L1TD1: variants seen among roughly 807,000 people sequenced by gnomAD.
L1TD1 encodes the protein LINE1 type transposase domain containing 1.
In L1TD1, 26 loss-of-function variants were observed where a neutral mutation model predicts 25.7. The observed-to-expected ratio is 1.01, with a 90% CI of 0.74 to 1.40. The LOEUF is 1.40. Ranked by LOEUF, L1TD1 falls within the 40% of genes most tolerant of loss-of-function variation. The pLI is 0.00. For synonymous variants in L1TD1, 421 were observed against 335.6 expected (o/e 1.25, Z -2.78); for missense variants, 1,130 against 975.0 (o/e 1.16, Z -2.12).
rs1316477199 is a variant in L1TD1 at position 62,210,554 on chromosome 1, C to T, written c.1780C>T (p.His594Tyr). ...ACTTAAGAAAACAGAAGAAAAGAAACACAGAACTCTGCACACAGAAGAACT... is the reference window on the plus strand; with the variant it reads ...ACTTAAGAAAACAGAAGAAAAGAAATACAGAACTCTGCACACAGAAGAACT... The part of the protein sequence containing the change: ...TKLKKTEEKK[H>Y]RTLHTEELTS... The change falls in exon 4 of 4, where the codon CAC becomes TAC. Residue 594 changes from histidine (H) to tyrosine (Y), a missense_variant. Physicochemically the swap from His to Tyr is moderately conservative, Grantham distance 83 (BLOSUM62 2). Transcript: ENST00000498273. 1 of 1,612,602 alleles carries T rather than the reference C, an allele frequency of 6.2e-7. No homozygotes were observed. The highest frequency in any genetic ancestry group is 2.2e-5 in the East Asian group (1 of 44,894).
At chr1:62,203,525 A>C (rs527311081) in intron 2 of L1TD1, among the ~76,000 whole-genome samples, 1 of 151,778 alleles carries the variant, frequency 6.6e-6, no homozygotes, top group Non-Finnish European at 1.5e-5. Flanking sequence ...AGTGATTCTT[A>C]TACCTCAGCC....
At chr1:62,202,584 ATTTTTTATTTTTTT>A (rs1442771521) in intron 2 of L1TD1, among the ~76,000 whole-genome samples, 1 of 49,892 alleles carries the variant, frequency 2.0e-5, no homozygotes. Context: ...AAAATTTTTT[ATTTTTTATTTTTTT>A]GAGACAGAGG....
intron 2 of L1TD1, among the ~76,000 whole-genome samples, chr1:62,199,367 G>T (rs538724928): frequency 1.3e-5 from 2 of 152,086 alleles, no homozygotes; most frequent in South Asian, 4.2e-4. Context: ...GCATGGTGGC[G>T]TGTGCCTGTT....
chr1:62,210,135 C>G lies in L1TD1; in HGVS notation c.1361C>G (p.Ala454Gly), dbSNP rs775612122. The change falls in exon 4 of 4, where the codon GCA becomes GGA. Residue 454 changes from alanine (A) to glycine (G), a missense_variant. Ala to Gly is a moderately conservative substitution (Grantham distance 60, BLOSUM62 0). Transcript: ENST00000498273. ...TTTCAGGGTCATACTTTGGTAGATG[C>G]AAAGCATGAAGTTGAGATAACCAGT... is the stretch of plus-strand genomic sequence containing the variant. ...STFQGHTLVD[A>G]KHEVEITSDG... The G allele has an allele frequency of 3.1e-6, 5 of 1,613,706 alleles. No homozygotes were observed. Among genetic ancestry groups the G allele is most frequent in the Admixed American group, 1.7e-5 (1 of 59,968 alleles).
chr1:62,206,323 CTA>C (rs923917305), intron 2 of L1TD1, among the ~76,000 whole-genome samples, 194 bp from the exon 3 acceptor site: 3 of 152,050 alleles, frequency 2.0e-5, no homozygotes, highest in Non-Finnish European at 2.9e-5. Flanking sequence ...ATTCAAATCA[CTA>C]TGTAAAGGGA....
intron 2 of L1TD1, among the ~76,000 whole-genome samples, chr1:62,203,101 C>A (rs539024743): frequency 1.3e-5 from 2 of 152,266 alleles, no homozygotes; most frequent in African/African-American, 4.8e-5. Flanking sequence ...GCTGGGATTA[C>A]AGGTGTGAGC....
At chr1:62,199,121 C>G (rs1367320402) in intron 2 of L1TD1, among the ~76,000 whole-genome samples, 2 of 152,146 alleles carry the variant, frequency 1.3e-5, no homozygotes, top group Admixed American at 6.6e-5. Flanking sequence ...TAGTGTCTGG[C>G]TAGAATTCAG....
intron 2 of L1TD1, among the ~76,000 whole-genome samples, chr1:62,201,490 T>TA (rs57780936): frequency 0.012 from 1,579 of 132,828 alleles, 20 homozygotes; most frequent in African/African-American, 0.034. Flanking sequence ...AGACCCTGCT[T>TA]AAAAAAAAAA....
intron 2 of L1TD1, among the ~76,000 whole-genome samples, chr1:62,198,912 A>G (rs1017393072): frequency 1.3e-5 from 2 of 151,472 alleles, no homozygotes; most frequent in Non-Finnish European, 2.9e-5. Flanking sequence ...ATCATAGCTT[A>G]GAGTAACCTT....
In L1TD1 at chr1:62,210,050, G is replaced by A. The variant is rs759392270; in HGVS notation, c.1276G>A (p.Glu426Lys). 1.2e-5 allele frequency: 20 copies of A among 1,613,088 alleles called. No individual in the cohort carries two copies. Among genetic ancestry groups the A allele is most frequent in the Admixed American group, 5.0e-5 (3 of 59,958 alleles). ...EEEEEASGLEEDEASGLEEEE... is the reference protein window; with the variant it reads ...EEEEEASGLEKDEASGLEEEE... ...AGAAGAAGAGGCTTCAGGGTTGGAG[G>A]AGGATGAGGCCTCAGGGCTAGAGGA... Residue 426 changes from glutamate to lysine, a missense_variant, in exon 4 of 4, where the codon GAG becomes AAG. By Grantham distance (56) the Glu-to-Lys change is moderately conservative. Coordinates refer to ENST00000498273, the MANE Select transcript of L1TD1 (RefSeq NM_019079.5).
At chr1:62,199,495 T>C (rs1434973316) in intron 2 of L1TD1, among the ~76,000 whole-genome samples, 2 of 113,198 alleles carry the variant, frequency 1.8e-5, no homozygotes, top group South Asian at 2.5e-4. Flanking sequence ...GAGACTCTTG[T>C]ATCAAAAAAA....
chr1:62,211,174 A>G lies in L1TD1; in HGVS notation c.2400A>G (p.Thr800=). ...TGACAGCAGACTTATCACTGGACAC[A>G]CTGGATGCTAGAAGTAAATGGAGCA... ...IRLTADLSLD[T]LDARSKWSNV... Residue 800 remains threonine (T), a synonymous_variant, in exon 4 of 4, where the codon ACA becomes ACG. Transcript: ENST00000498273. 1 of 1,551,592 alleles carries G rather than the reference A, an allele frequency of 6.4e-7. No individual in the cohort carries two copies. The highest frequency in any genetic ancestry group is 8.7e-7 in the Non-Finnish European group (1 of 1,146,968).
At position 62,211,274 on chromosome 1, in the gene L1TD1, A is replaced by C. The variant is rs1557448909; in HGVS notation, c.2500A>C (p.Arg834=). The change falls in exon 4 of 4, where the codon AGG becomes CGG. Residue 834 remains arginine, a synonymous_variant. Transcript: ENST00000498273. ...TCCAGCCAAAATGGCATTTGATTTT[A>C]GGGGTAAAACAAAGGTATTTCTTAG... The part of the protein sequence containing the change: ...LYPAKMAFDF[R]GKTKVFLSIE... The C allele has an allele frequency of 1.9e-6, 3 of 1,610,632 alleles. No homozygotes were observed. The highest frequency in any genetic ancestry group is 2.2e-5 in the South Asian group (2 of 90,640).
chr1:62,202,281 CAA>C (rs1273573304), intron 2 of L1TD1, among the ~76,000 whole-genome samples: 1 of 148,256 alleles, frequency 6.7e-6, no homozygotes, highest in Admixed American at 6.7e-5. Context: ...GCCTGGACAA[CAA>C]GAGTGAAACT....
intron 2 of L1TD1, among the ~76,000 whole-genome samples, chr1:62,203,465 G>A (rs1472661492): frequency 1.3e-5 from 2 of 151,812 alleles, no homozygotes; most frequent in African/African-American, 2.4e-5. Context: ...TCTGTCGCCC[G>A]GTACAGTGGC....
At chr1:62,205,421 A>C (rs865925159) in intron 2 of L1TD1, among the ~76,000 whole-genome samples, 7,538 of 40,022 alleles carry the variant, frequency 0.19, 809 homozygotes, top group East Asian at 0.39. Context: ...CTCTCTCTAT[A>C]TATATATATA....
Position 62,211,380 on chromosome 1 carries a change from G to T in L1TD1, c.*8G>T. ...GGGAATAATATACCTTAGCACGCCA[G>T]GGTGACTACAAACAATATGCTTTCC... On this transcript the variant is annotated 3_prime_UTR_variant, in exon 4 of 4. Transcript: ENST00000498273. The T allele has an allele frequency of 1.9e-6, 3 of 1,561,354 alleles. No homozygotes were observed. The highest frequency in any genetic ancestry group is 2.6e-6 in the Non-Finnish European group (3 of 1,157,346).
At position 62,207,251 on chromosome 1, in the gene L1TD1, T is replaced by G. The variant is rs752146763; in HGVS notation, c.623T>G (p.Val208Gly). 1 of 1,551,338 alleles carries G rather than the reference T, an allele frequency of 6.4e-7. No homozygotes were observed. Among genetic ancestry groups the G allele is most frequent in the African/African-American group, 1.4e-5 (1 of 73,108 alleles). ...ESRKDGEDEF[V>G]KEMREERKFQ... ...AGGAAGGATGGAGAGGATGAATTTG[T>G]CAAAGAAATGAGAGAGGAAAGAAAA... Residue 208 changes from valine to glycine, a missense_variant, in exon 3 of 4, where the codon GTC becomes GGC. Transcript: ENST00000498273.
Position 62,210,010 on chromosome 1 carries a change from G to C in L1TD1, c.1236G>C (p.Gly412=). 2.5e-6 allele frequency: 4 copies of C among 1,580,868 alleles called. No homozygotes were observed. Among genetic ancestry groups the C allele is most frequent in the Non-Finnish European group, 2.6e-6 (3 of 1,157,076 alleles). The part of the protein sequence containing the change: ...GLEEEEEEPS[G]LEEEEEEEAS... ...AGGAGGAGGAGGAAGAGCCCTCAGG[G>C]CTGGAGGAGGAAGAAGAAGAAGAGG... The change falls in exon 4 of 4, where the codon GGG becomes GGC. Residue 412 remains glycine, a synonymous_variant. Transcript: ENST00000498273.
Sources: gnomAD v4.1 joint callset for allele counts (sites outside exome capture counted in the v4.1 genomes callset) on GRCh38, gnomAD v4.1.1 for gene constraint, MANE v1.5 for transcripts, NCBI Gene and HGNC (gene_info 2026-07-23, HGNC 2026-07-21) for gene names.